FGFR3: variants seen among roughly 807,000 people sequenced by gnomAD.
FGFR3 encodes the protein FGFR-3.
In FGFR3, 25 loss-of-function variants were observed where a neutral mutation model predicts 82.9. The ratio of observed to expected loss-of-function variants is 0.30; its 90% CI spans 0.22 to 0.42. The LOEUF is 0.42. Among genes scored for constraint, FGFR3 ranks in the 10% least tolerant of loss-of-function variants. The pLI, the probability that FGFR3 is intolerant of heterozygous loss-of-function variation, is 1.00. For missense variants in FGFR3, 1,026 were observed against 1,161.0 expected, an observed-to-expected ratio of 0.88 and a Z score of 1.69; for synonymous variants, 620 against 516.0, an observed-to-expected ratio of 1.20 and a Z score of -2.73.
intron 2 of FGFR3, among the ~76,000 whole-genome samples, chr4:1,798,618 G>A (rs571330247): frequency 5.7e-5 from 8 of 140,760 alleles, no homozygotes; most frequent in South Asian, 2.6e-4. Context: ...CCGTCCACAC[G>A]GCCACGTGAC....
In FGFR3 at chr4:1,808,286, C is replaced by T. The variant is rs1722222978; in HGVS notation, c.*1024C>T. The stretch of plus-strand genomic sequence containing the variant: ...GCCTGCCCCGGAGCTGGAGGATCCC[C>T]TCCAAGCCTAAAAGGTTGTTAATAG... On this transcript the variant is annotated 3_prime_UTR_variant, in exon 18 of 18. Transcript: ENST00000440486. The T allele has an allele frequency of 8.6e-6, 2 of 232,830 alleles. No individual in the cohort carries two copies. The highest frequency in any genetic ancestry group is 1.7e-5 in the Non-Finnish European group (2 of 117,730). The allele number at this position is 232,830 out of a possible 1,614,324, so 14.4% of individuals were successfully genotyped here. A position where few individuals can be genotyped will look rare whatever the true frequency, so the allele number is the denominator to read the frequency against.
At chr4:1,802,421 G>T (rs1431302763) in intron 7 of FGFR3, among the ~76,000 whole-genome samples, 1 of 152,222 alleles carries the variant, frequency 6.6e-6, no homozygotes, top group African/African-American at 2.4e-5. Flanking sequence ...CTCGTCAGCT[G>T]TGTGCAGTGG....
intron 2 of FGFR3, among the ~76,000 whole-genome samples, chr4:1,798,075 C>T (rs1270963645): frequency 1.3e-5 from 2 of 152,156 alleles, no homozygotes; most frequent in Non-Finnish European, 2.9e-5. Context: ...TTGTCTGGCC[C>T]TGGCAGGGAA....
chr4:1,799,461 C>A lies in FGFR3; in HGVS notation c.317C>A (p.Ala106Asp), dbSNP rs756994930. ...AATGCCTCCCACGAGGACTCCGGGG[C>A]CTACAGCTGCCGGCAGCGGCTCACG... ...VLNASHEDSG[A>D]YSCRQRLTQR... The change falls in exon 3 of 18, where the codon GCC (alanine) becomes GAC (aspartate). Residue 106 changes from alanine to aspartate, a missense_variant. Ala to Asp is a moderately radical substitution (Grantham distance 126). Transcript: ENST00000440486. 6.3e-7 allele frequency: 1 copy of A among 1,599,734 alleles called. No homozygotes were observed. Among genetic ancestry groups the A allele is most frequent in the East Asian group, 2.3e-5 (1 of 44,084 alleles).
Position 1,807,495 on chromosome 4 carries a change from G to A in FGFR3, c.*233G>A. The A allele has an allele frequency of 1.4e-6, 1 of 728,994 alleles. No homozygotes were observed. Among genetic ancestry groups the A allele is most frequent in the Non-Finnish European group, 2.4e-6 (1 of 409,152 alleles). 45.2% of individuals were successfully genotyped at this position (728,994 alleles called of 1,614,324 possible). A position where few individuals can be genotyped will look rare whatever the true frequency, so the allele number is the denominator to read the frequency against. ...GTACCCTGGGTGTCCCCGCTGCTGT[G>A]CAACGGTCTCCTGACTGGTGCTGCA... On this transcript the variant is annotated 3_prime_UTR_variant, in exon 18 of 18. Transcript: ENST00000440486.
intron 5 of FGFR3, 21 bp from the exon 6 acceptor site, chr4:1,801,599 C>G: frequency 1.3e-6 from 2 of 1,599,740 alleles, no homozygotes; most frequent in Non-Finnish European, 1.7e-6. Flanking sequence ...CGCTCACTCA[C>G]CCGCCCGCGT....
chr4:1,802,615 C>T (rs17884613), intron 7 of FGFR3, among the ~76,000 whole-genome samples: 174 of 152,326 alleles, frequency 1.1e-3, no homozygotes, highest in Middle Eastern at 3.4e-3. Flanking sequence ...GTCCAGACCC[C>T]GCCCAGAGAG....
At chr4:1,795,704 G>GT (rs1560391429) in intron 2 of FGFR3, among the ~76,000 whole-genome samples, 1 of 152,160 alleles carries the variant, frequency 6.6e-6, no homozygotes, top group East Asian at 1.9e-4. Context: ...TCTCCCCAGG[G>GT]GGCCGTATTC....
intron 10 of FGFR3, 53 bp from the exon 11 acceptor site, chr4:1,805,302 G>A (rs1193896162): frequency 6.2e-7 from 1 of 1,603,336 alleles, no homozygotes; most frequent in Non-Finnish European, 8.5e-7. Context: ...GACCGTGGTG[G>A]GCTGAGAGTG....
Position 1,799,313 on chromosome 4 carries a change from G to A in FGFR3, c.169G>A (p.Val57Met), listed in dbSNP as rs61735064. 2.6e-4 allele frequency: 415 copies of A among 1,612,696 alleles called. No homozygotes were observed. The African/African-American group carries it at 4.2e-3, about 16-fold the overall frequency. Residue 57 changes from valine (V) to methionine (M), a missense_variant, in exon 3 of 18, where the codon GTG becomes ATG. Val to Met is a conservative substitution (Grantham distance 21). This residue lies in a region of FGFR3 where 226 missense variants were observed against 222.0 expected (regional missense o/e 1.02). Transcript: ENST00000440486. ...GTTGGTCTTCGGCAGCGGGGATGCT[G>A]TGGAGCTGAGCTGTCCCCCGCCCGG... The part of the protein sequence containing the change: ...EQLVFGSGDA[V>M]ELSCPPPGGG...
chr4:1,798,396 C>T (rs141981773), intron 2 of FGFR3, among the ~76,000 whole-genome samples: 1,693 of 152,194 alleles, frequency 0.011, 36 homozygotes, highest in African/African-American at 0.039. Context: ...CCCCACTCCC[C>T]GGCCTGTGAG....
At chr4:1,796,351 A>G (rs1370630122) in intron 2 of FGFR3, among the ~76,000 whole-genome samples, 1 of 151,996 alleles carries the variant, frequency 6.6e-6, no homozygotes, top group Non-Finnish European at 1.5e-5. Flanking sequence ...TCCGGACTTT[A>G]TTGTGAAACT....
chr4:1,794,113 G>T, intron 2 of FGFR3, 70 bp downstream of exon 2: 1 of 952,486 alleles, frequency 1.0e-6, no homozygotes, highest in Non-Finnish European at 1.4e-6. Context: ...ACGGGAACCG[G>T]CCCCGGGTCG....
In FGFR3 at chr4:1,808,541, T is replaced by TATC; in HGVS notation, c.*1280_*1282dup. 1 of 229,854 alleles carries TATC rather than the reference T, an allele frequency of 4.4e-6. No individual in the cohort carries two copies. Among genetic ancestry groups the TATC allele is most frequent in the Non-Finnish European group, 8.6e-6 (1 of 115,722 alleles). The allele number at this position is 229,854 out of a possible 1,614,324, so 14.2% of individuals were successfully genotyped here. A position where few individuals can be genotyped will look rare whatever the true frequency, so the allele number is the denominator to read the frequency against. ...TTATTAGATGTTACAAGTTTATATATATCTATATATATAATTTATTGAGTT... is the reference window on the plus strand; with the variant it reads ...TTATTAGATGTTACAAGTTTATATATATCATCTATATATATAATTTATTGAGTT... On this transcript the variant is annotated 3_prime_UTR_variant, in exon 18 of 18. Transcript: ENST00000440486.
At chr4:1,796,361 T>C (rs975516465) in intron 2 of FGFR3, among the ~76,000 whole-genome samples, 46 of 152,112 alleles carry the variant, frequency 3.0e-4, no homozygotes, top group African/African-American at 1.1e-3. Flanking sequence ...ATTGTGAAAC[T>C]CCAGGTGGGG....
rs565425636 is a variant in FGFR3 at position 1,798,780 on chromosome 4, C to A, written c.110-474C>A. On this transcript the variant is annotated intron_variant, in intron 2 of 17. Transcript: ENST00000440486. ...GGGCTGGCTGGCCAACCCTGGCACC[C>A]CCTCTGAGCTCCATTTCAGTCAGAG... Among the ~76,000 whole-genome samples the A allele has an allele frequency of 4.6e-5, 7 of 152,300 alleles. No individual in the cohort carries two copies. The South Asian group carries it at 1.4e-3, about 32-fold the overall frequency.
intron 2 of FGFR3, among the ~76,000 whole-genome samples, chr4:1,798,418 C>T (rs987958317): frequency 4.1e-4 from 62 of 152,054 alleles, no homozygotes; most frequent in African/African-American, 1.5e-3. Flanking sequence ...CCCACTTGGC[C>T]GGACCCAGCG....
Position 1,805,871 on chromosome 4 carries a change from C to T in FGFR3, c.1767C>T (p.Leu589=). The stretch of plus-strand genomic sequence containing the variant: ...CCTGCAAGCCGCCCGAGGAGCAGCT[C>T]ACCTTCAAGGACCTGGTGTCCTGTG... ...FDTCKPPEEQ[L]TFKDLVSCAY... Residue 589 remains leucine (L), a synonymous_variant, in exon 13 of 18, where the codon CTC becomes CTT. Transcript: ENST00000440486. 1 of 1,612,804 alleles carries T rather than the reference C, an allele frequency of 6.2e-7. No individual in the cohort carries two copies.
rs753880713 is a variant in FGFR3 at position 1,804,331 on chromosome 4, C to T, written c.1077C>T (p.Ala359=). 28 of 1,603,200 alleles carry T rather than the reference C, an allele frequency of 1.7e-5. No homozygotes were observed. The highest frequency in any genetic ancestry group is 1.7e-4 in the Middle Eastern group (1 of 6,024). The change falls in exon 9 of 18, where the codon GCC becomes GCT. Residue 359 remains alanine (A), a splice_region_variant and synonymous_variant. Coordinates refer to ENST00000440486, the MANE Select transcript of FGFR3 (RefSeq NM_000142.5). ...GCCTCAACGCCCATGTCTTTGCAGC[C>T]GAGGAGGAGCTGGTGGAGGCTGACG... ...HHSAWLVVLP[A]EEELVEADEA...
Sources: gnomAD v4.1 joint callset for allele counts (sites outside exome capture counted in the v4.1 genomes callset) on GRCh38, gnomAD v4.1.1 for gene constraint, gnomAD v4.1.1 regional missense constraint, MANE v1.5 for transcripts, NCBI Gene and HGNC (gene_info 2026-07-23, HGNC 2026-07-21) for gene names.